The following OTULINL variants were observed in gnomAD, a reference collection of about 807,000 sequenced individuals.
OTULINL encodes inactive ubiquitin thioesterase OTULINL.
A neutral mutation model predicts 43.9 loss-of-function variants in OTULINL; 42 were observed. That is an observed-to-expected ratio of 0.96 (90% CI 0.75 to 1.24). The LOEUF is 1.24. Ranked by LOEUF, OTULINL falls within the 50% of genes most tolerant of loss-of-function variation. The pLI is 0.00. For synonymous variants in OTULINL, 172 were observed against 153.6 expected (o/e 1.12, Z -0.88); for missense variants, 411 against 426.4 (o/e 0.96, Z 0.32).
At chr5:14,594,970 A>G (rs1412354325) in intron 1 of OTULINL, among the ~76,000 whole-genome samples, 1 of 152,056 alleles carries the variant, frequency 6.6e-6, no homozygotes, top group Non-Finnish European at 1.5e-5. Flanking sequence ...CTGCTAACTA[A>G]CCATAATAGG....
chr5:14,611,291 A>G lies in OTULINL; in HGVS notation c.*977A>G, dbSNP rs1579930518. ...AGATTTTTCTAGATTCTCCAGGTGG[A>G]CGCAGTGTAATCAGAATGGTTCTTA... On this transcript the variant is annotated 3_prime_UTR_variant, in exon 8 of 8. Coordinates refer to ENST00000274217, the MANE Select transcript of OTULINL (RefSeq NM_019018.3). 7 of 152,334 alleles carry G rather than the reference A, an allele frequency of 4.6e-5. No homozygotes were observed. The highest frequency in any genetic ancestry group is 2.4e-5 in the African/African-American group (1 of 41,554). 9.4% of individuals were successfully genotyped at this position (152,334 alleles called of 1,614,324 possible). A position where few individuals can be genotyped will look rare whatever the true frequency, so the allele number is the denominator to read the frequency against.
rs1449309366 is a variant in OTULINL at position 14,610,548 on chromosome 5, A to G, written c.*234A>G. 9 of 441,670 alleles carry G rather than the reference A, an allele frequency of 2.0e-5. No individual in the cohort carries two copies. The highest frequency in any genetic ancestry group is 3.6e-5 in the East Asian group (1 of 27,856). 27.4% of individuals were successfully genotyped at this position (441,670 alleles called of 1,614,324 possible). On this transcript the variant is annotated 3_prime_UTR_variant, in exon 8 of 8. Coordinates refer to ENST00000274217, the MANE Select transcript of OTULINL (RefSeq NM_019018.3). ...GGGAGTTGGTGGCTTGACTTTGTCC[A>G]TAAGGGGCGTGGCCACTTCACATGA...
Position 14,610,667 on chromosome 5 carries a change from A to C in OTULINL, c.*353A>C, listed in dbSNP as rs113992782. The stretch of plus-strand genomic sequence containing the variant: ...GTAGGGAAAAACAGCTAACCTGGAG[A>C]GAAAGAATTTCTTTAACCTTTATGT... On this transcript the variant is annotated 3_prime_UTR_variant, in exon 8 of 8. Coordinates refer to ENST00000274217, the MANE Select transcript of OTULINL (RefSeq NM_019018.3). 1,874 of 168,802 alleles carry C rather than the reference A, an allele frequency of 0.011. 37 individuals are homozygous for C. Among genetic ancestry groups the C allele is most frequent in the African/African-American group, 0.043 (1,746 of 40,720 alleles). The allele number at this position is 168,802 out of a possible 1,614,324, so 10.5% of individuals were successfully genotyped here. A position where few individuals can be genotyped will look rare whatever the true frequency, so the allele number is the denominator to read the frequency against.
chr5:14,607,353 A>G lies in OTULINL; in HGVS notation c.522A>G (p.Ser174=), dbSNP rs1437518300. 2.5e-6 allele frequency: 4 copies of G among 1,613,316 alleles called. No individual in the cohort carries two copies. The African/African-American group carries it at 4.0e-5, about 16-fold the overall frequency. Residue 174 remains serine, a synonymous_variant, in exon 6 of 8, where the codon TCA becomes TCG. Transcript: ENST00000274217. ...AGCTTCCTGAAAAACTGCTGTTTTC[A>G]CAAGGTTGTAATTGGATTCAGCAGT... ...IVKLPEKLLF[S]QGCNWIQQYS...
At chr5:14,582,814 C>CA (rs57907300) in intron 1 of OTULINL, among the ~76,000 whole-genome samples, 7,864 of 53,128 alleles carry the variant, frequency 0.15, 532 homozygotes, top group East Asian at 0.33. Context: ...TTGCTCTGTC[C>CA]AAAAAAAAAA....
In OTULINL at chr5:14,581,871, G is replaced by C; in HGVS notation, c.-24G>C. The C allele has an allele frequency of 7.1e-7, 1 of 1,403,672 alleles. No homozygotes were observed. Among genetic ancestry groups the C allele is most frequent in the Non-Finnish European group, 9.3e-7 (1 of 1,079,320 alleles). The allele number at this position is 1,403,672 out of a possible 1,614,324, so 87.0% of individuals were successfully genotyped here. On this transcript the variant is annotated 5_prime_UTR_variant, in exon 1 of 8. Coordinates refer to ENST00000274217, the MANE Select transcript of OTULINL (RefSeq NM_019018.3). ...ACTGCAGACCACGGGCCGAGGCCCAGCGCCCGTCCGCAGCGCGGCCGGCAT... is the reference window on the plus strand; with the variant it reads ...ACTGCAGACCACGGGCCGAGGCCCACCGCCCGTCCGCAGCGCGGCCGGCAT...
At chr5:14,586,923 G>A (rs892897248) in intron 1 of OTULINL, among the ~76,000 whole-genome samples, 1 of 151,980 alleles carries the variant, frequency 6.6e-6, no homozygotes, top group Admixed American at 6.6e-5. Flanking sequence ...CCACGACAGT[G>A]GAGATGAGCT....
At chr5:14,592,406 G>A (rs1317024695) in intron 1 of OTULINL, among the ~76,000 whole-genome samples, 4 of 152,186 alleles carry the variant, frequency 2.6e-5, no homozygotes, top group African/African-American at 4.8e-5. Flanking sequence ...AGTTCAGAGG[G>A]CACAGCTCTA....
At chr5:14,592,895 T>G (rs1759229228) in intron 1 of OTULINL, among the ~76,000 whole-genome samples, 1 of 152,182 alleles carries the variant, frequency 6.6e-6, no homozygotes, top group African/African-American at 2.4e-5. Context: ...TTCCTTGCCT[T>G]GCAAGCCCCT....
intron 1 of OTULINL, among the ~76,000 whole-genome samples, chr5:14,598,071 A>C (rs1475474548): frequency 6.6e-6 from 1 of 152,186 alleles, no homozygotes; most frequent in East Asian, 1.9e-4. Flanking sequence ...GAGATGGCCC[A>C]GCTTCAGGGT....
chr5:14,601,427 C>T lies in OTULINL; in HGVS notation c.333C>T (p.Asn111=). ...AREWKGETPR[N]KLMRKAYEEL... Reference sequence around the variant, plus strand: ...AATGGAAAGGAGAGACACCCCGTAACAAGCTGATGAGGAAGGTGTGTCTGT... The same window carrying T: ...AATGGAAAGGAGAGACACCCCGTAATAAGCTGATGAGGAAGGTGTGTCTGT... The change falls in exon 4 of 8, where the codon AAC becomes AAT. Residue 111 remains asparagine (N), a synonymous_variant. Coordinates refer to ENST00000274217, the MANE Select transcript of OTULINL (RefSeq NM_019018.3). 3 of 1,613,910 alleles carry T rather than the reference C, an allele frequency of 1.9e-6. No individual in the cohort carries two copies. The highest frequency in any genetic ancestry group is 2.5e-6 in the Non-Finnish European group (3 of 1,179,834).
rs1401213422 is a variant in OTULINL, at chr5:14,611,398, A to G, written c.*1084A>G. 1 of 152,228 alleles carries G rather than the reference A, an allele frequency of 6.6e-6. No homozygotes were observed. Among genetic ancestry groups the G allele is most frequent in the Non-Finnish European group, 1.5e-5 (1 of 68,046 alleles). The allele number at this position is 152,228 out of a possible 1,614,324, so 9.4% of individuals were successfully genotyped here. A position where few individuals can be genotyped will look rare whatever the true frequency, so the allele number is the denominator to read the frequency against. On this transcript the variant is annotated 3_prime_UTR_variant, in exon 8 of 8. Coordinates refer to ENST00000274217, the MANE Select transcript of OTULINL (RefSeq NM_019018.3). ...AAGAACGGTTAGAGAGAGATGCACC[A>G]TTGCTGGCTTTGAAGATGGAGGAAG...
In OTULINL at chr5:14,607,919, C is replaced by T. The variant is rs541570495; in HGVS notation, c.627+461C>T. ...CTGAGCCTACCACTAGCTTGGTTAC[C>T]TTGGGAAATAACCTTTCTGGTCCAT... On this transcript the variant is annotated intron_variant, in intron 6 of 7. Transcript: ENST00000274217. Among the ~76,000 whole-genome samples, 36 of 152,272 alleles carry T rather than the reference C, an allele frequency of 2.4e-4. No homozygotes were observed. The South Asian group carries it at 7.3e-3, about 31-fold the overall frequency.
intron 1 of OTULINL, among the ~76,000 whole-genome samples, chr5:14,598,041 G>A (rs1253533609): frequency 3.3e-5 from 5 of 152,210 alleles, no homozygotes; most frequent in African/African-American, 1.2e-4. Flanking sequence ...GGAGCTACAA[G>A]AGAGGCCCTG....
chr5:14,600,486 A>G (rs930158842), intron 1 of OTULINL, among the ~76,000 whole-genome samples: 2 of 152,140 alleles, frequency 1.3e-5, no homozygotes, highest in Non-Finnish European at 2.9e-5. Context: ...AATCCCTGTA[A>G]TTGTGTATGG....
At chr5:14,591,948 A>T (rs111270931) in intron 1 of OTULINL, among the ~76,000 whole-genome samples, 17 of 152,348 alleles carry the variant, frequency 1.1e-4, no homozygotes, top group African/African-American at 3.4e-4. Context: ...ATTAGATGGA[A>T]TATAAATTTC....
intron 1 of OTULINL, among the ~76,000 whole-genome samples, chr5:14,597,650 A>G (rs1284865245): frequency 2.0e-5 from 3 of 152,176 alleles, no homozygotes; most frequent in Non-Finnish European, 4.4e-5. Flanking sequence ...GCTCACTCCT[A>G]ATGTCATCAG....
intron 1 of OTULINL, among the ~76,000 whole-genome samples, chr5:14,589,921 G>A (rs764507599): frequency 6.6e-6 from 1 of 151,962 alleles, no homozygotes. Flanking sequence ...CAGCCTGGGC[G>A]ACAGAGTGAG....
intron 5 of OTULINL, among the ~76,000 whole-genome samples, chr5:14,603,997 T>A (rs893751503): frequency 6.6e-6 from 1 of 152,294 alleles, no homozygotes; most frequent in African/African-American, 2.4e-5. Context: ...ATATATGCAA[T>A]GTGCTAGCCC....
Sources: allele counts gnomAD v4.1 joint callset (sites outside exome capture counted in the v4.1 genomes callset), GRCh38; gene constraint gnomAD v4.1.1; transcripts MANE v1.5; gene names NCBI Gene and HGNC (gene_info 2026-07-23, HGNC 2026-07-21).